Variants in PLCB1 observed in about 807,000 individuals in gnomAD.
PLCB1 encodes phospholipase C beta 1, also known as 1-phosphatidylinositol 4,5-bisphosphate phosphodiesterase beta-1.
A neutral mutation model predicts 161.8 loss-of-function variants in PLCB1; 46 were observed. The ratio of observed to expected loss-of-function variants is 0.28; its 90% confidence interval spans 0.22 to 0.36. The LOEUF (loss-of-function observed/expected upper bound fraction) is 0.36. PLCB1 is among the 10% of genes least tolerant of loss of function. The pLI, the probability that PLCB1 is intolerant of heterozygous loss-of-function variation, is 1.00. For missense variants in PLCB1, 1,016 were observed against 1,472.5 expected, an observed-to-expected ratio of 0.69 and a Z score of 5.07; for synonymous variants, 517 against 503.7, an observed-to-expected ratio of 1.03 and a Z score of -0.35.
chr20:8,432,155 CG>C (rs1463645935), intron 3 of PLCB1, among the ~76,000 whole-genome samples: 1 of 152,040 alleles, frequency 6.6e-6, no homozygotes, highest in African/African-American at 2.4e-5. Context: ...CAATCTGAAG[CG>C]TGAGGAGGGC....
chr20:8,163,143 G>C (rs959760519), intron 2 of PLCB1, among the ~76,000 whole-genome samples: 4 of 152,176 alleles, frequency 2.6e-5, no homozygotes, highest in Non-Finnish European at 5.9e-5. Context: ...CAGGGCCATG[G>C]GGAAGTGAGA....
intron 2 of PLCB1, among the ~76,000 whole-genome samples, chr20:8,265,949 A>T (rs1304632678): frequency 2.0e-5 from 3 of 152,160 alleles, no homozygotes; most frequent in African/African-American, 7.2e-5. Flanking sequence ...AAATAACCAT[A>T]TTTACCTGGA....
At chr20:8,709,306 A>G (rs1301778991) in intron 12 of PLCB1, among the ~76,000 whole-genome samples, 2 of 152,238 alleles carry the variant, frequency 1.3e-5, no homozygotes, top group Non-Finnish European at 2.9e-5. Context: ...ACACAAAGAA[A>G]AGGTTATTTT....
At chr20:8,309,176 T>G (rs6039133) in intron 2 of PLCB1, among the ~76,000 whole-genome samples, 7,411 of 152,266 alleles carry the variant, frequency 0.049, 431 homozygotes, top group East Asian at 0.12. Flanking sequence ...CCCATGGCTT[T>G]CTTTCTGAGG....
chr20:8,452,329 T>G (rs1981109166), intron 3 of PLCB1, among the ~76,000 whole-genome samples: 1 of 152,208 alleles, frequency 6.6e-6, no homozygotes, highest in South Asian at 2.1e-4. Context: ...CAGGAATTTT[T>G]TAGCCATGTG....
chr20:8,794,136 A>G (rs1983903843), intron 31 of PLCB1, among the ~76,000 whole-genome samples: 1 of 152,114 alleles, frequency 6.6e-6, no homozygotes, highest in South Asian at 2.1e-4. Context: ...CAGATTTCAT[A>G]TTGTTTAAAC....
chr20:8,671,454 C>G (rs1054055962), intron 9 of PLCB1, among the ~76,000 whole-genome samples: 31 of 152,064 alleles, frequency 2.0e-4, no homozygotes, highest in African/African-American at 7.2e-4. Flanking sequence ...TAGAGGACAT[C>G]TTTAAATTAC....
chr20:8,541,596 G>GAAAGAAATAAAT (rs1555769067), intron 3 of PLCB1, among the ~76,000 whole-genome samples: 1 of 150,426 alleles, frequency 6.6e-6, no homozygotes, highest in African/African-American at 2.5e-5. Flanking sequence ...AAGAAAGAAA[G>GAAAGAAATAAAT]AAAGAAAGAA....
chr20:8,132,447 C>A lies in PLCB1; in HGVS notation c.-205C>A, dbSNP rs2051300289. 3.2e-6 allele frequency: 1 copy of A among 317,254 alleles called. No homozygotes were observed. The highest frequency in any genetic ancestry group is 2.2e-5 in the African/African-American group (1 of 45,542). The allele number at this position is 317,254 out of a possible 1,614,324, so 19.7% of individuals were successfully genotyped here. A position where few individuals can be genotyped will look rare whatever the true frequency, so the allele number is the denominator to read the frequency against. ...CCTCGCGTCCCGCCCGGGGCATGGC[C>A]GGGCGCTGCGCCCCCGCGCGCTCTG... On this transcript the variant is annotated 5_prime_UTR_variant, in exon 1 of 32. Coordinates refer to ENST00000338037, the MANE Select transcript of PLCB1 (RefSeq NM_015192.4). This position sits in a 1 kb window ranked among gnomAD's most constrained non-coding sequence, Gnocchi z 5.2.
intron 1 of PLCB1, among the ~76,000 whole-genome samples, chr20:8,138,713 C>G (rs1009216527): frequency 6.6e-6 from 1 of 152,044 alleles, no homozygotes; most frequent in Non-Finnish European, 1.5e-5. Flanking sequence ...ATTTTTGTAA[C>G]TAACTAACTG....
intron 3 of PLCB1, among the ~76,000 whole-genome samples, chr20:8,584,309 C>T (rs751688897): frequency 6.3e-4 from 96 of 152,196 alleles, no homozygotes; most frequent in Middle Eastern, 3.4e-3. Context: ...TCATCAATTA[C>T]GTCAAACTCA....
At chr20:8,845,033 G>C (rs892276347) in intron 31 of PLCB1, among the ~76,000 whole-genome samples, 1 of 152,062 alleles carries the variant, frequency 6.6e-6, no homozygotes, top group Non-Finnish European at 1.5e-5. Context: ...AGAATGGTGT[G>C]AACCCGGGAT....
intron 2 of PLCB1, among the ~76,000 whole-genome samples, chr20:8,352,400 G>A (rs928168213): frequency 1.6e-4 from 24 of 152,132 alleles, no homozygotes; most frequent in African/African-American, 5.8e-4. Flanking sequence ...GTGCTGTAAT[G>A]GTAGTTACTA....
intron 31 of PLCB1, among the ~76,000 whole-genome samples, chr20:8,822,838 A>G (rs1985499562): frequency 6.6e-6 from 1 of 152,190 alleles, no homozygotes; most frequent in African/African-American, 2.4e-5. Flanking sequence ...GAGAACAGAG[A>G]TATCTCTATA....
intron 3 of PLCB1, among the ~76,000 whole-genome samples, chr20:8,375,649 C>T (rs1987049153): frequency 6.6e-6 from 1 of 152,024 alleles, no homozygotes; most frequent in South Asian, 2.1e-4. Flanking sequence ...GTATTGAGTG[C>T]TTAGGGGTAT....
intron 3 of PLCB1, among the ~76,000 whole-genome samples, chr20:8,535,240 T>C (rs1201904759): frequency 1.4e-5 from 2 of 144,640 alleles, no homozygotes; most frequent in Non-Finnish European, 3.0e-5. Flanking sequence ...AAGAAAACTG[T>C]TTTAAGTATG....
chr20:8,218,227 T>C (rs1020298802), intron 2 of PLCB1, among the ~76,000 whole-genome samples: 1 of 152,134 alleles, frequency 6.6e-6, no homozygotes, highest in Non-Finnish European at 1.5e-5. Context: ...AAGTATGGTT[T>C]CTAAAAGGGC....
intron 2 of PLCB1, among the ~76,000 whole-genome samples, chr20:8,347,559 G>A (rs1327247931): frequency 2.0e-5 from 3 of 152,102 alleles, no homozygotes; most frequent in African/African-American, 7.2e-5. Flanking sequence ...TTCCATTAGT[G>A]GGGCAACCTA....
intron 3 of PLCB1, among the ~76,000 whole-genome samples, chr20:8,384,404 T>C (rs1250318354): frequency 1.3e-5 from 2 of 152,032 alleles, no homozygotes; most frequent in African/African-American, 2.4e-5. Context: ...AAACTGGTTT[T>C]CTAGTTAGCA....
Sources: allele counts gnomAD v4.1 joint callset (sites outside exome capture counted in the v4.1 genomes callset), GRCh38; gene constraint gnomAD v4.1.1; non-coding constraint Gnocchi (gnomAD v3.1); transcripts MANE v1.5; gene names NCBI Gene and HGNC (gene_info 2026-07-23, HGNC 2026-07-21).